The following SLC14A2 variants were observed in gnomAD, a reference collection of about 807,000 sequenced individuals.
The protein encoded by SLC14A2 is urea transporter 2.
Under a neutral mutation model 104.6 loss-of-function variants are expected in SLC14A2, and 91 were observed. The observed-to-expected ratio is 0.87, with a 90% CI of 0.73 to 1.04. SLC14A2 has a LOEUF of 1.04. Among genes scored for constraint, SLC14A2 ranks in the 50% least tolerant of loss-of-function variants. The pLI is 0.00. For missense variants in SLC14A2, 1,189 were observed against 1,156.0 expected, an observed-to-expected ratio of 1.03 and a Z score of -0.41; for synonymous variants, 476 against 466.4, an observed-to-expected ratio of 1.02 and a Z score of -0.27.
chr18:45,226,361 C>T (rs1031837608), intron 1 of SLC14A2, among the ~76,000 whole-genome samples: 2 of 152,160 alleles, frequency 1.3e-5, no homozygotes, highest in African/African-American at 4.8e-5. Flanking sequence ...TGTAAAGACT[C>T]ATGCACACAT....
intron 9 of SLC14A2, 98 bp downstream of exon 9, chr18:45,643,279 T>C: frequency 2.8e-6 from 3 of 1,054,498 alleles, no homozygotes; most frequent in Admixed American, 3.5e-5. Context: ...ATTGAGCGGG[T>C]AATGGTAGCT....
chr18:45,366,444 C>A (rs1436343612), intron 1 of SLC14A2, among the ~76,000 whole-genome samples: 2 of 152,166 alleles, frequency 1.3e-5, no homozygotes, highest in Admixed American at 1.3e-4. Flanking sequence ...TGCTGGGGAC[C>A]CCCGTGTGGC....
At chr18:45,206,494 G>T in the SLC14A2 span, among the ~76,000 whole-genome samples, 1 of 152,044 alleles carries the variant, frequency 6.6e-6, no homozygotes, top group Non-Finnish European at 1.5e-5. Flanking sequence ...TATTCAGCGA[G>T]GTTAGCCTTA....
At chr18:45,241,546 G>A (rs1290720712) in intron 1 of SLC14A2, among the ~76,000 whole-genome samples, 1 of 152,056 alleles carries the variant, frequency 6.6e-6, no homozygotes, top group South Asian at 2.1e-4. Context: ...CTGAAAACAG[G>A]CAACAGCCAG....
chr18:45,500,460 C>T (rs2043177169), intron 2 of SLC14A2, among the ~76,000 whole-genome samples: 1 of 151,786 alleles, frequency 6.6e-6, no homozygotes, highest in East Asian at 1.9e-4. Flanking sequence ...GCCTGTAGTC[C>T]CAGCTACTCG....
At chr18:45,177,626 C>T in the SLC14A2 span, among the ~76,000 whole-genome samples, 4 of 152,096 alleles carry the variant, frequency 2.6e-5, no homozygotes, top group Non-Finnish European at 5.9e-5. Context: ...ATGTTAGTGC[C>T]AGAGGAGTCT....
At chr18:45,178,386 TAAAA>T in the SLC14A2 span, among the ~76,000 whole-genome samples, 1 of 151,796 alleles carries the variant, frequency 6.6e-6, no homozygotes. Flanking sequence ...TGAGTAAGAT[TAAAA>T]AAATGCAAGA....
chr18:45,238,785 A>G (rs1018409830), intron 1 of SLC14A2, among the ~76,000 whole-genome samples: 1 of 152,184 alleles, frequency 6.6e-6, no homozygotes, highest in African/African-American at 2.4e-5. Flanking sequence ...ATAGAGGCAC[A>G]TTGTTGTTTC....
chr18:45,628,852 G>C (rs2045302414), intron 4 of SLC14A2, among the ~76,000 whole-genome samples: 1 of 152,088 alleles, frequency 6.6e-6, no homozygotes, highest in East Asian at 1.9e-4. Flanking sequence ...TCTTACAGTG[G>C]GTTTCTCTCA....
intron 1 of SLC14A2, among the ~76,000 whole-genome samples, chr18:45,357,277 C>T (rs1356896514): frequency 3.0e-5 from 4 of 134,504 alleles, no homozygotes; most frequent in Non-Finnish European, 4.6e-5. Flanking sequence ...ACTATCAGGG[C>T]AGGTTGAGAA....
At chr18:45,544,786 C>CTTTTTTTTT (rs71373715) in intron 2 of SLC14A2, among the ~76,000 whole-genome samples, 3 of 88,866 alleles carry the variant, frequency 3.4e-5, no homozygotes, top group East Asian at 3.3e-4. Context: ...TCAATAATGT[C>CTTTTTTTTT]TTTTTTTTTT....
intron 2 of SLC14A2, among the ~76,000 whole-genome samples, chr18:45,549,426 C>T (rs770561355): frequency 1.3e-5 from 2 of 152,216 alleles, no homozygotes; most frequent in Non-Finnish European, 2.9e-5. Flanking sequence ...CTGAGCCCCA[C>T]CTCAGTGCAG....
At chr18:45,488,819 A>C (rs2087662842) in intron 2 of SLC14A2, among the ~76,000 whole-genome samples, 1 of 152,210 alleles carries the variant, frequency 6.6e-6, no homozygotes. Flanking sequence ...GAAGGTACAA[A>C]GACTGATTTG....
intron 2 of SLC14A2, among the ~76,000 whole-genome samples, chr18:45,561,151 G>A (rs1038107830): frequency 1.4e-4 from 22 of 152,260 alleles, no homozygotes; most frequent in Admixed American, 1.4e-3. Context: ...CAGCCACAGT[G>A]GCCTGGACCA....
chr18:45,523,352 T>C (rs8095733), intron 2 of SLC14A2, among the ~76,000 whole-genome samples: 40,832 of 151,498 alleles, frequency 0.27, 6,098 homozygotes, highest in African/African-American at 0.39. Context: ...TGTTTTGAGA[T>C]GGAATCTCAC....
chr18:45,323,683 G>A (rs1431551316), intron 1 of SLC14A2, among the ~76,000 whole-genome samples: 2 of 152,150 alleles, frequency 1.3e-5, no homozygotes, highest in Non-Finnish European at 1.5e-5. Context: ...GTTCTGGGGA[G>A]ACCAGGGATG....
chr18:45,192,011 G>A, the SLC14A2 span, among the ~76,000 whole-genome samples: 1 of 152,148 alleles, frequency 6.6e-6, no homozygotes, highest in Non-Finnish European at 1.5e-5. Flanking sequence ...AATAAAACTT[G>A]TCTATTGAGG....
In SLC14A2 at chr18:45,300,621, T is replaced by C. The variant is rs113931575; in HGVS notation, c.-125+87430T>C. On this transcript the variant is annotated intron_variant, in intron 1 of 20. Coordinates refer to the SLC14A2 transcript ENST00000586448. ...TTTTTAAAAAGCACTTTTTTTTCCATAAATAAAAATAATTGATAGCTAATG... is the reference window on the plus strand; with the variant it reads ...TTTTTAAAAAGCACTTTTTTTTCCACAAATAAAAATAATTGATAGCTAATG... 1.2e-3 allele frequency among the ~76,000 whole-genome samples: 178 copies of C among 152,296 alleles called. 1 individual carries two copies. The highest frequency in any genetic ancestry group is 3.9e-3 in the African/African-American group (164 of 41,564).
chr18:45,559,751 G>GT (rs2044178161), intron 2 of SLC14A2, among the ~76,000 whole-genome samples: 1 of 152,190 alleles, frequency 6.6e-6, no homozygotes, highest in East Asian at 1.9e-4. Flanking sequence ...GCTAAACTCA[G>GT]TAGAGACTAG....
Sources: allele counts gnomAD v4.1 joint callset (sites outside exome capture counted in the v4.1 genomes callset), GRCh38; gene constraint gnomAD v4.1.1; transcripts MANE v1.5; gene names NCBI Gene and HGNC (gene_info 2026-07-23, HGNC 2026-07-21).